The following GK variants were observed in gnomAD, a reference collection of about 807,000 sequenced individuals.
The protein encoded by GK is ATP:glycerol 3-phosphotransferase.
GK carries 9 observed loss-of-function variants against 56.4 expected under a neutral mutation model. The observed-to-expected ratio is 0.16, with a 90% CI of 0.10 to 0.28. The LOEUF is 0.28. GK is among the 10% of genes least tolerant of loss of function. The pLI, the probability that GK is intolerant of heterozygous loss-of-function variation, is 1.00. For synonymous variants in GK, 104 were observed against 144.1 expected (o/e 0.72, Z 1.99); for missense variants, 161 against 431.4 (o/e 0.37, Z 5.55).
chrX:30,695,520 A>G (rs1206160529), intron 6 of GK, among the ~76,000 whole-genome samples: 1 of 112,581 alleles, frequency 8.9e-6, no homozygotes, highest in Non-Finnish European at 1.9e-5. Context: ...CAGTTCAGGC[A>G]TGTGGGTACA....
chrX:30,693,786 T>G (rs755737401), intron 5 of GK, among the ~76,000 whole-genome samples: 1 of 111,170 alleles, frequency 9.0e-6, no homozygotes, highest in African/African-American at 3.3e-5. Flanking sequence ...TAACCTCAAG[T>G]GATCCACCTG....
rs185236106 is a variant in GK at position 30,679,754 on chromosome X, G to A, written c.337+2302G>A. Among the ~76,000 whole-genome samples, 5 of 111,595 alleles carry A rather than the reference G, an allele frequency of 4.5e-5. No individual in the cohort carries two copies. In the Admixed American group the frequency reaches 4.8e-4, roughly 11 times the overall value. ...ATGAGGAACTCTTTTCTTCTATCCT[G>A]AGCCACATACATGTTTTGAGAACCT... On this transcript the variant is annotated intron_variant, in intron 4 of 20. Coordinates refer to ENST00000427190, the MANE Select transcript of GK (RefSeq NM_001205019.2).
intron 6 of GK, 124 bp downstream of exon 6, chrX:30,694,661 C>A: frequency 1.8e-6 from 1 of 556,091 alleles, no homozygotes; most frequent in Admixed American, 3.4e-5. Context: ...AAAAACCACT[C>A]AAAAAGCAAC....
chrX:30,718,726 A>G lies in GK; in HGVS notation c.1054+110A>G, dbSNP rs1459813780. ...TTGCCCCAAATGTGATCCATAAATTATATGGATCCCTATTATGAGTTTGAC... is the reference window on the plus strand; with the variant it reads ...TTGCCCCAAATGTGATCCATAAATTGTATGGATCCCTATTATGAGTTTGAC... On this transcript the variant is annotated intron_variant, in intron 14 of 20. Coordinates refer to ENST00000427190, the MANE Select transcript of GK (RefSeq NM_001205019.2). The G allele has an allele frequency of 5.8e-6, 3 of 515,825 alleles. No homozygotes were observed. The East Asian group carries it at 1.1e-4, about 19-fold the overall frequency. The allele number at this position is 515,825 out of a possible 1,213,427, so 42.5% of individuals were successfully genotyped here.
intron 3 of GK, among the ~76,000 whole-genome samples, chrX:30,676,893 TGAAG>T (rs1343579872): frequency 9.0e-6 from 1 of 111,585 alleles, no homozygotes; most frequent in Non-Finnish European, 1.9e-5. Flanking sequence ...ATGCTCAGCA[TGAAG>T]GATTTTGTCC....
intron 3 of GK, among the ~76,000 whole-genome samples, chrX:30,669,642 A>G (rs907675095): frequency 8.9e-6 from 1 of 111,943 alleles, no homozygotes; most frequent in Non-Finnish European, 1.9e-5. Flanking sequence ...CAAGTTTACC[A>G]TTCAAGGGCT....
At chrX:30,704,951 C>T (rs1935918366) in intron 11 of GK, among the ~76,000 whole-genome samples, 1 of 111,996 alleles carries the variant, frequency 8.9e-6, no homozygotes, top group South Asian at 3.7e-4. Flanking sequence ...GAGATGTAAG[C>T]AGGTAGGAAA....
chrX:30,720,651 A>G lies in GK; in HGVS notation c.1267A>G (p.Ile423Val), dbSNP rs113389040. Residue 423 changes from isoleucine (I) to valine (V), a missense_variant, in exon 17 of 21, where the codon ATT (isoleucine) becomes GTT (valine). By Grantham distance (29) the Ile-to-Val change is conservative. Transcript: ENST00000427190. ...ILDAMNRDCGIPLSHLQVDGG... is the reference protein window; with the variant it reads ...ILDAMNRDCGVPLSHLQVDGG... ...GGATGCCATGAATCGAGACTGTGGA[A>G]TTCCACTCAGTCATTTGCAGGTAGA... 1 of 1,203,858 alleles carries G rather than the reference A, an allele frequency of 8.3e-7. No homozygotes were observed. The highest frequency in any genetic ancestry group is 1.1e-6 in the Non-Finnish European group (1 of 888,140).
At chrX:30,680,428 A>G (rs1437975712) in intron 4 of GK, among the ~76,000 whole-genome samples, 1 of 112,021 alleles carries the variant, frequency 8.9e-6, no homozygotes, top group Non-Finnish European at 1.9e-5. Context: ...ATTTGGGTAG[A>G]CAGGGGTTGG....
intron 19 of GK, 126 bp from the exon 20 acceptor site, chrX:30,727,340 A>G (rs1937176018): frequency 2.1e-6 from 1 of 485,004 alleles, no homozygotes; most frequent in African/African-American, 2.4e-5. Flanking sequence ...GCTAGCTTTT[A>G]TGAATATACT....
Position 30,721,430 on chromosome X carries a change from A to T in GK, c.1501+435A>T, listed in dbSNP as rs1167168120. ...CCTCAGCCTCCCGAGTAGCTGGGAC[A>T]ACAGGTGCCCACCACTACGCCCGCC... On this transcript the variant is annotated intron_variant, in intron 18 of 20. Coordinates refer to ENST00000427190, the MANE Select transcript of GK (RefSeq NM_001205019.2). 9.4e-5 allele frequency among the ~76,000 whole-genome samples: 10 copies of T among 106,193 alleles called. No individual in the cohort carries two copies. The Middle Eastern group carries it at 0.02, about 208-fold the overall frequency. The allele number at this position is 106,193 out of a possible 115,157, so 92.2% of individuals were successfully genotyped here.
intron 5 of GK, among the ~76,000 whole-genome samples, chrX:30,691,753 C>T (rs1934948377): frequency 9.1e-6 from 1 of 110,408 alleles, no homozygotes; most frequent in South Asian, 3.9e-4. Flanking sequence ...GGGAGGGGTG[C>T]TTTCTATAAT....
chrX:30,660,148 A>G (rs1355019807), intron 1 of GK, among the ~76,000 whole-genome samples: 1 of 111,498 alleles, frequency 9.0e-6, no homozygotes, highest in Non-Finnish European at 1.9e-5. Flanking sequence ...CATAGAGCTG[A>G]ATATAGACCT....
rs1409190292 is a variant in GK, at chrX:30,653,709, C to G, written c.78+94C>G. 14 of 825,145 alleles carry G rather than the reference C, an allele frequency of 1.7e-5. No homozygotes were observed. The African/African-American group carries it at 2.4e-4, about 14-fold the overall frequency. 68.0% of individuals were successfully genotyped at this position (825,145 alleles called of 1,213,427 possible). Reference sequence around the variant, plus strand: ...GTTGTGTCCCCATCCCGCATCTCTCCGGCCCGGTGCCCCGGCCGCTGGGCA... The same window carrying G: ...GTTGTGTCCCCATCCCGCATCTCTCGGGCCCGGTGCCCCGGCCGCTGGGCA... On this transcript the variant is annotated intron_variant, in intron 1 of 20. Transcript: ENST00000427190.
intron 3 of GK, chrX:30,674,219 A>T (rs1397314351): frequency 6.2e-6 from 2 of 322,139 alleles, no homozygotes; most frequent in African/African-American, 5.3e-5. Flanking sequence ...AAGCACAGGA[A>T]TTGGAATTTG....
chrX:30,677,853 AC>A, intron 4 of GK: 2 of 429,580 alleles, frequency 4.7e-6, no homozygotes, highest in Non-Finnish European at 4.0e-6. Flanking sequence ...AAAAAAAAAA[AC>A]ACATGCAGTC....
chrX:30,703,249 G>A (rs895696737), intron 11 of GK, among the ~76,000 whole-genome samples: 1 of 112,031 alleles, frequency 8.9e-6, no homozygotes, highest in African/African-American at 3.2e-5. Context: ...GGATCATGTT[G>A]TGAAGCCCTA....
At chrX:30,720,284 T>C (rs1936834964) in intron 16 of GK, among the ~76,000 whole-genome samples, 189 bp downstream of exon 16, 1 of 112,108 alleles carries the variant, frequency 8.9e-6, no homozygotes, top group South Asian at 3.7e-4. Context: ...TAAGTTCCTG[T>C]TCCCTGTCAG....
chrX:30,658,795 A>C (rs962689097), intron 1 of GK, among the ~76,000 whole-genome samples: 1 of 112,256 alleles, frequency 8.9e-6, no homozygotes, highest in Non-Finnish European at 1.9e-5. Context: ...GAGGGATAGA[A>C]CCATGTCCTT....
Sources: gnomAD v4.1 joint callset for allele counts (sites outside exome capture counted in the v4.1 genomes callset) on GRCh38, gnomAD v4.1.1 for gene constraint, MANE v1.5 for transcripts, NCBI Gene and HGNC (gene_info 2026-07-23, HGNC 2026-07-21) for gene names.